SLC4A10: variants seen among roughly 807,000 people sequenced by gnomAD.
SLC4A10 encodes the protein solute carrier family 4 member 10.
A neutral mutation model predicts 137.7 loss-of-function variants in SLC4A10; 42 were observed. The ratio of observed to expected loss-of-function variants is 0.30; its 90% confidence interval spans 0.24 to 0.39. The LOEUF (loss-of-function observed/expected upper bound fraction) is 0.39, where lower values mean the gene tolerates loss of function less well. SLC4A10 is among the 10% of genes least tolerant of loss of function. The pLI, the probability that SLC4A10 is intolerant of heterozygous loss-of-function variation, is 1.00. For synonymous variants in SLC4A10, 474 were observed against 464.1 expected, an observed-to-expected ratio of 1.02 and a Z score of -0.27; for missense variants, 925 against 1,355.0, an observed-to-expected ratio of 0.68 and a Z score of 4.98.
chr2:161,722,311 A>T lies in SLC4A10; in HGVS notation c.49-48662A>T, dbSNP rs534254645. The stretch of plus-strand genomic sequence containing the variant: ...TTTGCATTGGTTCTTTCTCATCTTC[A>T]TGAGCTTATCTACCTTTGACCTTTG... On this transcript the variant is annotated intron_variant, in intron 1 of 26. Coordinates refer to ENST00000446997, the MANE Select transcript of SLC4A10 (RefSeq NM_001178015.2). Among the ~76,000 whole-genome samples, 3 of 152,106 alleles carry T rather than the reference A, an allele frequency of 2.0e-5. No homozygotes were observed. In the South Asian group the frequency reaches 6.2e-4, roughly 32 times the overall value.
intron 4 of SLC4A10, among the ~76,000 whole-genome samples, chr2:161,846,848 T>G (rs2059527835): frequency 6.6e-6 from 1 of 152,058 alleles, no homozygotes; most frequent in African/African-American, 2.4e-5. Flanking sequence ...AATATAAAGG[T>G]GCAGCACAAG....
chr2:161,782,930 T>C (rs1356287085), intron 2 of SLC4A10, among the ~76,000 whole-genome samples: 2 of 151,628 alleles, frequency 1.3e-5, no homozygotes, highest in African/African-American at 4.8e-5. Context: ...CCAGAAGATT[T>C]ATTCAAAGAA....
At position 161,879,120 on chromosome 2, in the gene SLC4A10, G is replaced by A. The variant is rs1292935484; in HGVS notation, c.949-11G>A. ...TTTTGATTTATCATATTTACCTGGTGATGCTTGCAGGTTGATCTGCATTTT... is the reference window on the plus strand; with the variant it reads ...TTTTGATTTATCATATTTACCTGGTAATGCTTGCAGGTTGATCTGCATTTT... On this transcript the variant is annotated splice_polypyrimidine_tract_variant and intron_variant, in intron 8 of 26. Coordinates refer to ENST00000446997, the MANE Select transcript of SLC4A10 (RefSeq NM_001178015.2). 2.5e-6 allele frequency: 4 copies of A among 1,611,894 alleles called. No individual in the cohort carries two copies. The highest frequency in any genetic ancestry group is 3.4e-6 in the Non-Finnish European group (4 of 1,178,628).
At chr2:161,641,939 A>G (rs1234960315) in intron 1 of SLC4A10, among the ~76,000 whole-genome samples, 2 of 152,004 alleles carry the variant, frequency 1.3e-5, no homozygotes, top group Non-Finnish European at 2.9e-5. Flanking sequence ...TGCTGCTTTA[A>G]AAAATCGACT....
chr2:161,626,078 A>G (rs2032301184), intron 1 of SLC4A10, among the ~76,000 whole-genome samples: 1 of 152,174 alleles, frequency 6.6e-6, no homozygotes, highest in Non-Finnish European at 1.5e-5. Context: ...TAAGAATACC[A>G]GGGAACTCTT....
rs766682066 is a variant in SLC4A10 at position 161,949,269 on chromosome 2, C to T, written c.2379+8C>T. 3.9e-6 allele frequency: 6 copies of T among 1,528,350 alleles called. No homozygotes were observed. Among genetic ancestry groups the T allele is most frequent in the Non-Finnish European group, 5.4e-6 (6 of 1,103,254 alleles). 94.7% of individuals were successfully genotyped at this position (1,528,350 alleles called of 1,614,324 possible). ...GTACCAAGTGTTTTCAAGGTACTTA[C>T]TATCTCTCTCCCTCTTCCCATCTCT... On this transcript the variant is annotated splice_region_variant and intron_variant, in intron 18 of 26. Transcript: ENST00000446997.
chr2:161,951,068 C>T (rs530995116), intron 19 of SLC4A10, among the ~76,000 whole-genome samples: 2 of 152,174 alleles, frequency 1.3e-5, no homozygotes, highest in South Asian at 4.1e-4. Flanking sequence ...GAGAACTCAC[C>T]TCCAAGGCAT....
chr2:161,639,374 T>G (rs1177373463), intron 1 of SLC4A10, among the ~76,000 whole-genome samples: 1 of 152,064 alleles, frequency 6.6e-6, no homozygotes. Context: ...ATAAAAATCC[T>G]GAACAAAATA....
chr2:161,949,699 A>C (rs1348609140), intron 18 of SLC4A10, among the ~76,000 whole-genome samples: 1 of 151,990 alleles, frequency 6.6e-6, no homozygotes, highest in Non-Finnish European at 1.5e-5. Context: ...TTGGGATCGG[A>C]AGTGTTTCAG....
At chr2:161,944,971 G>T (rs1231224044) in intron 16 of SLC4A10, among the ~76,000 whole-genome samples, 1 of 150,824 alleles carries the variant, frequency 6.6e-6, no homozygotes, top group Non-Finnish European at 1.5e-5. Flanking sequence ...ATGTTTTATT[G>T]AGTTGTTTGT....
intron 2 of SLC4A10, among the ~76,000 whole-genome samples, chr2:161,772,903 T>C (rs1376277665): frequency 6.6e-6 from 1 of 151,600 alleles, no homozygotes; most frequent in Non-Finnish European, 1.5e-5. Flanking sequence ...TTAGCCAGAG[T>C]CAGGAAATAG....
At chr2:161,902,118 T>G (rs1187603080) in intron 12 of SLC4A10, 1 of 456,398 alleles carries the variant, frequency 2.2e-6, no homozygotes, top group Admixed American at 2.4e-5. Flanking sequence ...TCATCTGCTC[T>G]CCTGGAGTTG....
intron 15 of SLC4A10, among the ~76,000 whole-genome samples, chr2:161,906,297 A>T (rs1684338309): frequency 6.6e-6 from 1 of 152,250 alleles, no homozygotes; most frequent in Non-Finnish European, 1.5e-5. Flanking sequence ...GCAATAAGGT[A>T]AAATAAACTT....
chr2:161,956,893 G>T, intron 19 of SLC4A10, 96 bp from the exon 20 acceptor site: 1 of 1,315,084 alleles, frequency 7.6e-7, no homozygotes, highest in South Asian at 1.6e-5. Context: ...AGGGCTTGTT[G>T]AGTATCATCA....
chr2:161,826,998 G>A (rs529815808), intron 3 of SLC4A10, among the ~76,000 whole-genome samples: 24 of 152,184 alleles, frequency 1.6e-4, no homozygotes, highest in African/African-American at 5.3e-4. Context: ...TTCCATGAAG[G>A]CAGAGGCTTT....
intron 1 of SLC4A10, among the ~76,000 whole-genome samples, chr2:161,641,620 AT>A (rs1410982709): frequency 6.6e-6 from 1 of 152,046 alleles, no homozygotes; most frequent in Admixed American, 6.5e-5. Flanking sequence ...TTCTATTTAG[AT>A]TTTTAACATA....
intron 3 of SLC4A10, among the ~76,000 whole-genome samples, chr2:161,831,267 C>T (rs542343530): frequency 7.9e-5 from 12 of 152,194 alleles, no homozygotes; most frequent in Non-Finnish European, 1.8e-4. Context: ...TAGTTGTAAT[C>T]TAATTATTTC....
intron 3 of SLC4A10, among the ~76,000 whole-genome samples, chr2:161,837,596 A>T (rs560328045): frequency 6.6e-6 from 1 of 152,336 alleles, no homozygotes; most frequent in South Asian, 2.1e-4. Context: ...AACTTGTTCT[A>T]AAATGTATAT....
chr2:161,964,340 T>C (rs1697222128), intron 22 of SLC4A10, 32 bp downstream of exon 22: 1 of 1,606,406 alleles, frequency 6.2e-7, no homozygotes, highest in East Asian at 2.2e-5. Flanking sequence ...TTTTTCTCTT[T>C]CTCTGATTTG....
Sources: gnomAD v4.1 joint callset for allele counts (sites outside exome capture counted in the v4.1 genomes callset) on GRCh38, gnomAD v4.1.1 for gene constraint, MANE v1.5 for transcripts, NCBI Gene and HGNC (gene_info 2026-07-23, HGNC 2026-07-21) for gene names.